Variants in TMEFF1 observed in about 807,000 individuals in gnomAD.
TMEFF1 encodes transmembrane protein with EGF like and two follistatin like domains 1, also known as tomoregulin-1.
Under a neutral mutation model 47.5 loss-of-function variants are expected in TMEFF1, and 20 were observed. The observed-to-expected ratio is 0.42, with a 90% confidence interval of 0.30 to 0.61. TMEFF1 has a LOEUF of 0.61. Ranked by LOEUF, TMEFF1 falls within the 20% of genes least tolerant of loss-of-function variation. The pLI is 0.19. For synonymous variants in TMEFF1, 162 were observed against 166.3 expected (o/e 0.97, Z 0.20); for missense variants, 411 against 471.1 (o/e 0.87, Z 1.18).
chr9:100,557,622 C>T (rs571154915), intron 7 of TMEFF1, among the ~76,000 whole-genome samples: 1 of 152,140 alleles, frequency 6.6e-6, no homozygotes, highest in East Asian at 1.9e-4. Context: ...TAACTTAAGT[C>T]CTACCCTATC....
chr9:100,539,264 G>T (rs1409916895), intron 5 of TMEFF1, among the ~76,000 whole-genome samples: 2 of 152,196 alleles, frequency 1.3e-5, no homozygotes, highest in Non-Finnish European at 2.9e-5. Context: ...GCGTGTGCAA[G>T]TCTAGTTTTT....
At chr9:100,476,699 G>GTTTT (rs60623249) in intron 1 of TMEFF1, among the ~76,000 whole-genome samples, 5 of 115,808 alleles carry the variant, frequency 4.3e-5, no homozygotes, top group Non-Finnish European at 5.3e-5. Context: ...GGCCTATTTC[G>GTTTT]TTTTTTTTTT....
chr9:100,566,235 C>G (rs746958874), intron 8 of TMEFF1, among the ~76,000 whole-genome samples: 1 of 152,210 alleles, frequency 6.6e-6, no homozygotes, highest in Non-Finnish European at 1.5e-5. Context: ...CTTACAGATT[C>G]TGTCCAGTCT....
chr9:100,574,828 C>T (rs79565873), intron 9 of TMEFF1, among the ~76,000 whole-genome samples: 1 of 152,074 alleles, frequency 6.6e-6, no homozygotes, highest in African/African-American at 2.4e-5. Flanking sequence ...GTCTTTTACC[C>T]AACTCTTTCA....
chr9:100,482,591 C>G (rs1420413665), intron 1 of TMEFF1, among the ~76,000 whole-genome samples: 1 of 152,162 alleles, frequency 6.6e-6, no homozygotes, highest in Non-Finnish European at 1.5e-5. Context: ...GGCATGAGCT[C>G]TTTACTTTGC....
At chr9:100,533,233 TATA>T (rs1838432652) in intron 5 of TMEFF1, among the ~76,000 whole-genome samples, 1 of 152,006 alleles carries the variant, frequency 6.6e-6, no homozygotes, top group Non-Finnish European at 1.5e-5. Context: ...GAACTTAAAG[TATA>T]ATAATAAAAA....
intron 5 of TMEFF1, 58 bp from the exon 6 acceptor site, chr9:100,547,686 G>A: frequency 7.2e-7 from 1 of 1,389,746 alleles, no homozygotes; most frequent in Non-Finnish European, 9.4e-7. Flanking sequence ...TTTTGCTGTT[G>A]CAGCATTGTG....
chr9:100,491,244 T>C (rs1024645365), intron 1 of TMEFF1, among the ~76,000 whole-genome samples: 7 of 152,208 alleles, frequency 4.6e-5, no homozygotes, highest in African/African-American at 1.7e-4. Context: ...GTTGGGTACA[T>C]GTTCAAGAAC....
chr9:100,506,293 G>C (rs1298803806), intron 2 of TMEFF1, among the ~76,000 whole-genome samples: 1 of 152,122 alleles, frequency 6.6e-6, no homozygotes, highest in Non-Finnish European at 1.5e-5. Flanking sequence ...AAACCATGAA[G>C]ACAGGTAATG....
At chr9:100,518,794 T>C (rs1490844727) in intron 5 of TMEFF1, among the ~76,000 whole-genome samples, 1 of 152,170 alleles carries the variant, frequency 6.6e-6, no homozygotes, top group East Asian at 1.9e-4. Flanking sequence ...AGTTATATAG[T>C]GGTTATGTAA....
At chr9:100,514,677 C>T (rs1306080935) in intron 4 of TMEFF1, among the ~76,000 whole-genome samples, 1 of 145,192 alleles carries the variant, frequency 6.9e-6, no homozygotes, top group African/African-American at 2.6e-5. Context: ...ATAGTGAGAC[C>T]CTGTCTCTAC....
chr9:100,518,971 T>C (rs1246457416), intron 5 of TMEFF1, among the ~76,000 whole-genome samples: 3 of 152,204 alleles, frequency 2.0e-5, no homozygotes, highest in African/African-American at 7.2e-5. Context: ...TATAAAAACC[T>C]ATTATTTATT....
At chr9:100,491,191 C>T (rs568189970) in intron 1 of TMEFF1, among the ~76,000 whole-genome samples, 4 of 152,026 alleles carry the variant, frequency 2.6e-5, no homozygotes, top group Non-Finnish European at 5.9e-5. Context: ...TTAAATGTTT[C>T]TGCTATTTTC....
intron 8 of TMEFF1, among the ~76,000 whole-genome samples, chr9:100,564,596 C>G (rs1017595212): frequency 6.6e-6 from 1 of 152,150 alleles, no homozygotes; most frequent in African/African-American, 2.4e-5. Flanking sequence ...AAAGGCACAT[C>G]AGCCTGAAGA....
At position 100,576,756 on chromosome 9, in the gene TMEFF1, G is replaced by A. The variant is rs183418625; in HGVS notation, c.*156G>A. The A allele has an allele frequency of 7.9e-4, 691 of 870,062 alleles. 2 individuals carry two copies. Among genetic ancestry groups the A allele is most frequent in the Admixed American group, 2.1e-3 (65 of 31,360 alleles). 53.9% of individuals were successfully genotyped at this position (870,062 alleles called of 1,614,324 possible). On this transcript the variant is annotated 3_prime_UTR_variant, in exon 10 of 10. Coordinates refer to ENST00000374879, the MANE Select transcript of TMEFF1 (RefSeq NM_003692.5). Reference sequence around the variant, plus strand: ...AGAATATTCAGCTACGACAGTTTTGGACTGTTTAGTAGTCTTTGTTTTATG... The same window carrying A: ...AGAATATTCAGCTACGACAGTTTTGAACTGTTTAGTAGTCTTTGTTTTATG...
At chr9:100,511,724 A>G (rs1837970260) in intron 3 of TMEFF1, among the ~76,000 whole-genome samples, 1 of 152,098 alleles carries the variant, frequency 6.6e-6, no homozygotes, top group Non-Finnish European at 1.5e-5. Flanking sequence ...TACATATACC[A>G]TATTGTATTT....
intron 5 of TMEFF1, 59 bp from the exon 6 acceptor site, chr9:100,547,685 T>A (rs1245061425): frequency 3.6e-6 from 5 of 1,392,160 alleles, no homozygotes; most frequent in Non-Finnish European, 4.7e-6. Flanking sequence ...TTTTTGCTGT[T>A]GCAGCATTGT....
intron 2 of TMEFF1, among the ~76,000 whole-genome samples, chr9:100,505,240 C>T (rs1365532379): frequency 2.0e-5 from 3 of 151,142 alleles, no homozygotes; most frequent in Non-Finnish European, 4.4e-5. Context: ...GGTGAAACCC[C>T]GTCTCTACTA....
intron 5 of TMEFF1, among the ~76,000 whole-genome samples, chr9:100,541,838 T>C (rs995974323): frequency 2.6e-5 from 4 of 152,200 alleles, no homozygotes; most frequent in Admixed American, 6.5e-5. Flanking sequence ...TAAAATCTTT[T>C]ATATCTGATA....
Sources: allele counts gnomAD v4.1 joint callset (sites outside exome capture counted in the v4.1 genomes callset), GRCh38; gene constraint gnomAD v4.1.1; transcripts MANE v1.5; gene names NCBI Gene and HGNC (gene_info 2026-07-23, HGNC 2026-07-21).